Variants in TBCA observed in about 807,000 individuals in gnomAD.
TBCA encodes the protein tubulin-specific chaperone A.
A neutral mutation model predicts 15.8 loss-of-function variants in TBCA; 6 were observed. The ratio of observed to expected loss-of-function variants is 0.38; its 90% CI spans 0.21 to 0.75. The LOEUF (loss-of-function observed/expected upper bound fraction) is 0.75, where lower values mean the gene tolerates loss of function less well. Among genes scored for constraint, TBCA ranks in the 30% least tolerant of loss-of-function variants. The probability of loss-of-function intolerance (pLI) is 0.46; values close to 1 mark genes in which losing one functional copy is unlikely to be tolerated. For missense variants in TBCA, 90 were observed against 131.2 expected, an observed-to-expected ratio of 0.69 and a Z score of 1.53; for synonymous variants, 32 against 42.3, an observed-to-expected ratio of 0.76 and a Z score of 0.94.
intron 1 of TBCA, among the ~76,000 whole-genome samples, chr5:77,770,770 C>A (rs556174082): frequency 6.6e-6 from 1 of 151,466 alleles, no homozygotes; most frequent in African/African-American, 2.4e-5. Flanking sequence ...TACACCCAAA[C>A]CTGCCAACTA....
intron 2 of TBCA, among the ~76,000 whole-genome samples, chr5:77,702,228 G>A (rs1167052874): frequency 6.6e-6 from 1 of 152,016 alleles, no homozygotes; most frequent in Non-Finnish European, 1.5e-5. Context: ...CATCAAAACT[G>A]TACATGAACA....
intron 2 of TBCA, among the ~76,000 whole-genome samples, chr5:77,701,150 A>C (rs996079471): frequency 1.3e-5 from 2 of 152,172 alleles, no homozygotes; most frequent in African/African-American, 2.4e-5. Flanking sequence ...GAAAATCTTC[A>C]CAATCTATAC....
At chr5:77,701,122 G>A (rs1174002230) in intron 2 of TBCA, among the ~76,000 whole-genome samples, 1 of 152,104 alleles carries the variant, frequency 6.6e-6, no homozygotes, top group Non-Finnish European at 1.5e-5. Flanking sequence ...AGAGTAAACA[G>A]ACAACCATAG....
chr5:77,744,387 G>A (rs1415371155), intron 1 of TBCA, among the ~76,000 whole-genome samples: 1 of 152,018 alleles, frequency 6.6e-6, no homozygotes, highest in Non-Finnish European at 1.5e-5. Context: ...CCCCAGCAAA[G>A]TATTAGCCCA....
intron 1 of TBCA, among the ~76,000 whole-genome samples, chr5:77,750,965 T>C (rs552689376): frequency 6.6e-6 from 1 of 151,946 alleles, no homozygotes; most frequent in Admixed American, 6.6e-5. Flanking sequence ...TAGAAAGGAG[T>C]GTCTGGGTTA....
intron 1 of TBCA, among the ~76,000 whole-genome samples, chr5:77,724,322 G>A (rs1580110069): frequency 6.6e-6 from 1 of 152,196 alleles, no homozygotes; most frequent in Non-Finnish European, 1.5e-5. Flanking sequence ...AAGGACTTTA[G>A]TAATATCTTC....
chr5:77,770,252 T>C (rs1257342641), intron 1 of TBCA, among the ~76,000 whole-genome samples: 1 of 152,202 alleles, frequency 6.6e-6, no homozygotes, highest in Non-Finnish European at 1.5e-5. Flanking sequence ...TCTCCTACTT[T>C]AGTGAAAATT....
chr5:77,693,243 A>G (rs200994332), intron 3 of TBCA, 23 bp downstream of exon 3: 1 of 1,612,480 alleles, frequency 6.2e-7, no homozygotes, highest in Non-Finnish European at 8.5e-7. Context: ...AAATTTAAAC[A>G]TGACACAGAA....
intron 1 of TBCA, among the ~76,000 whole-genome samples, chr5:77,759,823 A>G (rs756027089): frequency 1.3e-5 from 2 of 152,212 alleles, no homozygotes; most frequent in Non-Finnish European, 2.9e-5. Context: ...ATAAGTATGT[A>G]TACTTATACA....
At position 77,735,268 on chromosome 5, in the gene TBCA, G is replaced by A. The variant is rs567693082; in HGVS notation, c.54-26921C>T. 9.9e-5 allele frequency among the ~76,000 whole-genome samples: 15 copies of A among 152,092 alleles called. 1 individual carries two copies. In the South Asian group the frequency reaches 2.9e-3, roughly 30 times the overall value. On this transcript the variant is annotated intron_variant, in intron 1 of 3. Transcript: ENST00000380377. The stretch of plus-strand genomic sequence containing the variant: ...AGGTACTCAAATTTTACTCAGATTG[G>A]CAAATGCCAAATCAGAAACAAAATA...
At chr5:77,699,312 AAAAAT>A (rs1057039665) in intron 2 of TBCA, among the ~76,000 whole-genome samples, 15 of 152,298 alleles carry the variant, frequency 9.8e-5, no homozygotes, top group South Asian at 2.1e-4. Flanking sequence ...TAATTTTGAA[AAAAAT>A]AAAATAAAAT....
At position 77,693,319 on chromosome 5, in the gene TBCA, G is replaced by C. The variant is rs1271060157; in HGVS notation, c.193C>G (p.Pro65Ala). Residue 65 changes from proline to alanine, a missense_variant, in exon 3 of 4, where the codon CCA (proline) becomes GCA (alanine). By Grantham distance (27) the Pro-to-Ala change is conservative (BLOSUM62 -1). Transcript: ENST00000380377. ...GCTTCCAACCTGCGCTGGCAATCTG[G>C]GATCATCATCCTGGATTCTTGTAGG... ...EILQESRMMI[P>A]DCQRRLEAAY... The C allele has an allele frequency of 4.3e-6, 7 of 1,613,348 alleles. No homozygotes were observed. In the African/African-American group the frequency reaches 8.0e-5, roughly 18 times the overall value.
rs550015309 is a variant in TBCA, at chr5:77,752,008, T to C, written c.53+24197A>G. On this transcript the variant is annotated intron_variant, in intron 1 of 3. Transcript: ENST00000380377. ...AAGATCATCTGGTCCAATAGGCTGG[T>C]TGCAAGAATAACCTCCTGTGCATCT... Among the ~76,000 whole-genome samples the C allele has an allele frequency of 8.5e-5, 13 of 152,322 alleles. No individual in the cohort carries two copies. The East Asian group carries it at 2.5e-3, about 29-fold the overall frequency.
intron 1 of TBCA, among the ~76,000 whole-genome samples, chr5:77,720,913 C>A (rs1746516439): frequency 6.6e-6 from 1 of 152,076 alleles, no homozygotes; most frequent in South Asian, 2.1e-4. Context: ...AGGATGCTGG[C>A]AAACTAGAGT....
At chr5:77,759,813 A>T (rs921564342) in intron 1 of TBCA, among the ~76,000 whole-genome samples, 1 of 152,228 alleles carries the variant, frequency 6.6e-6, no homozygotes, top group African/African-American at 2.4e-5. Context: ...TATACTTTGT[A>T]TAAGTATGTA....
chr5:77,734,723 T>TA (rs1261937521), intron 1 of TBCA, among the ~76,000 whole-genome samples: 1 of 152,206 alleles, frequency 6.6e-6, no homozygotes, highest in Non-Finnish European at 1.5e-5. Context: ...ATTCCAATTT[T>TA]AAAAGAAGTT....
intron 2 of TBCA, among the ~76,000 whole-genome samples, chr5:77,696,967 A>C (rs995315453): frequency 1.7e-4 from 26 of 152,322 alleles, no homozygotes; most frequent in African/African-American, 3.6e-4. Flanking sequence ...AGATAAAGTA[A>C]ACTTCAAAGC....
chr5:77,693,110 A>T lies in TBCA; in HGVS notation c.246+156T>A, dbSNP rs776525207. 6 of 1,485,794 alleles carry T rather than the reference A, an allele frequency of 4.0e-6. No homozygotes were observed. In the South Asian group the frequency reaches 8.0e-5, roughly 20 times the overall value. The allele number at this position is 1,485,794 out of a possible 1,614,324, so 92.0% of individuals were successfully genotyped here. On this transcript the variant is annotated intron_variant, in intron 3 of 3. Coordinates refer to ENST00000380377, the MANE Select transcript of TBCA (RefSeq NM_004607.3). ...GGAGGCATAATTCAAAACACAATTT[A>T]AACTCCATTAATTATTTTAAAATAT...
intron 1 of TBCA, among the ~76,000 whole-genome samples, chr5:77,756,262 C>G (rs900991072): frequency 6.6e-6 from 1 of 152,148 alleles, no homozygotes; most frequent in Middle Eastern, 3.2e-3. Flanking sequence ...TTCCAGAGGG[C>G]TCAAAGTGCA....
Sources: gnomAD v4.1 joint callset for allele counts (sites outside exome capture counted in the v4.1 genomes callset) on GRCh38, gnomAD v4.1.1 for gene constraint, MANE v1.5 for transcripts, NCBI Gene and HGNC (gene_info 2026-07-23, HGNC 2026-07-21) for gene names.